KIF1C: variants seen among roughly 807,000 people sequenced by gnomAD.
The protein encoded by KIF1C is kinesin-like protein KIF1C.
Under a neutral mutation model 126.5 loss-of-function variants are expected in KIF1C, and 61 were observed. The ratio of observed to expected loss-of-function variants is 0.48; its 90% CI spans 0.39 to 0.60. The LOEUF (loss-of-function observed/expected upper bound fraction) is 0.60. Among genes scored for constraint, KIF1C ranks in the 20% least tolerant of loss-of-function variants. KIF1C has a pLI of 0.00. For synonymous variants in KIF1C, 640 were observed against 580.6 expected (o/e 1.10, Z -1.47); for missense variants, 1,315 against 1,489.2 (o/e 0.88, Z 1.93).
chr17:5,008,331 G>A (rs887105413), intron 16 of KIF1C, among the ~76,000 whole-genome samples: 10 of 152,182 alleles, frequency 6.6e-5, no homozygotes, highest in East Asian at 1.9e-4. Context: ...CCGCTGTACC[G>A]GTGCATACCA....
chr17:5,020,531 T>G lies in KIF1C; in HGVS notation c.1790T>G (p.Phe597Cys). ...ATGGGCAAGAACCACGTTTTCCGCT[T>G]CAACCACCCGGAGCAGGCAAGGCTG... Reference protein sequence around the residue: ...IVMGKNHVFRFNHPEQARLER... With the variant: ...IVMGKNHVFRCNHPEQARLER... Residue 597 changes from phenylalanine (F) to cysteine (C), a missense_variant, in exon 20 of 23, where the codon TTC (phenylalanine) becomes TGC (cysteine). Physicochemically the swap from Phe to Cys is radical, Grantham distance 205 (BLOSUM62 -2). Coordinates refer to ENST00000320785, the MANE Select transcript of KIF1C (RefSeq NM_006612.6). The surrounding 1 kb of genome is among the most constrained non-coding windows in gnomAD (Gnocchi z 5.8). 6.2e-7 allele frequency: 1 copy of G among 1,614,158 alleles called. No individual in the cohort carries two copies.
chr17:5,021,036 G>A (rs976177165), intron 21 of KIF1C, among the ~76,000 whole-genome samples, 158 bp downstream of exon 21: 10 of 152,118 alleles, frequency 6.6e-5, no homozygotes, highest in Admixed American at 1.3e-4. Flanking sequence ...GTGACTACAG[G>A]AAGAATCCAT....
chr17:5,017,571 TGG>T (rs1179266946), intron 18 of KIF1C, among the ~76,000 whole-genome samples: 1 of 152,158 alleles, frequency 6.6e-6, no homozygotes, highest in Non-Finnish European at 1.5e-5. Flanking sequence ...CCCAAAGTGC[TGG>T]GATTATAGGC....
chr17:5,020,594 C>T lies in KIF1C; in HGVS notation c.1853C>T (p.Pro618Leu), dbSNP rs753593337. The part of the protein sequence containing the change: ...ERGVPPPPGP[P>L]SEPVDWNFAQ... The stretch of plus-strand genomic sequence containing the variant: ...GGGGTCCCCCCACCCCCAGGACCGC[C>T]CTCTGAGCCAGTCGACTGGAACTTT... Residue 618 changes from proline (P) to leucine (L), a missense_variant, in exon 20 of 23, where the codon CCC (proline) becomes CTC (leucine). By Grantham distance (98) the Pro-to-Leu change is moderately conservative. Transcript: ENST00000320785. The surrounding 1 kb of genome is among the most constrained non-coding windows in gnomAD (Gnocchi z 5.8). 3 of 1,614,252 alleles carry T rather than the reference C, an allele frequency of 1.9e-6. No homozygotes were observed. Among genetic ancestry groups the T allele is most frequent in the East Asian group, 2.2e-5 (1 of 44,880 alleles).
At chr17:5,006,216 G>A (rs1218565543) in intron 13 of KIF1C, among the ~76,000 whole-genome samples, 2 of 151,380 alleles carry the variant, frequency 1.3e-5, no homozygotes, top group African/African-American at 2.4e-5. Flanking sequence ...AGAAAAAAAA[G>A]TTCGACACAG....
Position 5,004,896 on chromosome 17 carries a change from T to C in KIF1C, c.1061T>C (p.Ile354Thr), listed in dbSNP as rs771180950. The change falls in exon 13 of 23, where the codon ATC becomes ACC. Residue 354 changes from isoleucine (I) to threonine (T), a missense_variant. Ile to Thr is a moderately conservative substitution (Grantham distance 89). Transcript: ENST00000320785. Reference sequence around the variant, plus strand: ...AAGCAAATCCGCTGCAATGCCATCATCAACGAGGACCCTAATGCCCGGCTG... The same window carrying C: ...AAGCAAATCCGCTGCAATGCCATCACCAACGAGGACCCTAATGCCCGGCTG... Reference protein sequence around the residue: ...RTKQIRCNAIINEDPNARLIR... With the variant: ...RTKQIRCNAITNEDPNARLIR... The C allele has an allele frequency of 6.2e-7, 1 of 1,614,224 alleles. No homozygotes were observed. The highest frequency in any genetic ancestry group is 1.1e-5 in the South Asian group (1 of 91,084).
chr17:5,001,148 C>T lies in KIF1C; in HGVS notation c.184-74C>T, dbSNP rs2143308000. The T allele has an allele frequency of 1.1e-5, 16 of 1,479,314 alleles. No individual in the cohort carries two copies. In the East Asian group the frequency reaches 1.6e-4, roughly 15 times the overall value. 91.6% of individuals were successfully genotyped at this position (1,479,314 alleles called of 1,614,324 possible). A position where few individuals can be genotyped will look rare whatever the true frequency, so the allele number is the denominator to read the frequency against. Reference sequence around the variant, plus strand: ...GGAATCGTCAGTGATGGAAGCAAGACTCTTGGGACAGAGACACAAAGGATA... The same window carrying T: ...GGAATCGTCAGTGATGGAAGCAAGATTCTTGGGACAGAGACACAAAGGATA... On this transcript the variant is annotated intron_variant, in intron 4 of 22. Coordinates refer to ENST00000320785, the MANE Select transcript of KIF1C (RefSeq NM_006612.6).
intron 1 of KIF1C, among the ~76,000 whole-genome samples, chr17:4,998,578 C>T (rs955438457): frequency 3.9e-5 from 6 of 152,240 alleles, no homozygotes; most frequent in Admixed American, 3.3e-4. Flanking sequence ...CCATTAGCTG[C>T]AGCAACGGCG....
Position 5,022,582 on chromosome 17 carries a change from G to A in KIF1C, c.2501G>A (p.Arg834Gln), listed in dbSNP as rs776267022. The A allele has an allele frequency of 6.2e-5, 99 of 1,600,204 alleles. No homozygotes were observed. The highest frequency in any genetic ancestry group is 8.0e-5 in the Non-Finnish European group (94 of 1,173,310). ...CGAGGGGCGGAGGTGGAGGACCTCC[G>A]GGCCCACATCGACAAGCTGACGGGG... Reference protein sequence around the residue: ...GARGAEVEDLRAHIDKLTGIL... With the variant: ...GARGAEVEDLQAHIDKLTGIL... Residue 834 changes from arginine (R) to glutamine (Q), a missense_variant, in exon 22 of 23, where the codon CGG (arginine) becomes CAG (glutamine). By Grantham distance (43) the Arg-to-Gln change is conservative. This residue lies in a region of KIF1C where 441 missense variants were observed against 436.1 expected (regional missense o/e 1.01). Transcript: ENST00000320785. This position sits in a 1 kb window ranked among gnomAD's most constrained non-coding sequence, Gnocchi z 4.9.
At chr17:5,021,422 T>C (rs1311489496) in intron 21 of KIF1C, among the ~76,000 whole-genome samples, 1 of 152,074 alleles carries the variant, frequency 6.6e-6, no homozygotes, top group African/African-American at 2.4e-5. Flanking sequence ...GTGATCCGCC[T>C]GCCTCAGCCT....
Position 5,020,341 on chromosome 17 carries a change from C to A in KIF1C, c.1751-151C>A. On this transcript the variant is annotated intron_variant, in intron 19 of 22. Coordinates refer to ENST00000320785, the MANE Select transcript of KIF1C (RefSeq NM_006612.6). The surrounding 1 kb of genome is among the most constrained non-coding windows in gnomAD (Gnocchi z 5.8). ...ATGGGGTTGGTCCCTGGGTGTCAGC[C>A]AGGGGAGCATAGGCTCCAACTGCCT... is the stretch of plus-strand genomic sequence containing the variant. 1.2e-6 allele frequency: 1 copy of A among 849,650 alleles called. No homozygotes were observed. Among genetic ancestry groups the A allele is most frequent in the African/African-American group, 1.7e-5 (1 of 58,424 alleles). The allele number at this position is 849,650 out of a possible 1,614,324, so 52.6% of individuals were successfully genotyped here. A position where few individuals can be genotyped will look rare whatever the true frequency, so the allele number is the denominator to read the frequency against.
At chr17:5,018,723 G>T (rs1975030285) in intron 18 of KIF1C, among the ~76,000 whole-genome samples, 2 of 151,186 alleles carry the variant, frequency 1.3e-5, no homozygotes, top group South Asian at 4.2e-4. Context: ...AAAGAAAAAA[G>T]AAAAGCCATC....
intron 10 of KIF1C, 25 bp from the exon 11 acceptor site, chr17:5,003,973 C>G: frequency 6.2e-7 from 1 of 1,612,210 alleles, no homozygotes; most frequent in Non-Finnish European, 8.5e-7. Context: ...CCCACCCTAA[C>G]CTCCTTCCTC....
rs148056094 is a variant in KIF1C, at chr17:5,022,739, C to T, written c.2628+30C>T. On this transcript the variant is annotated intron_variant, in intron 22 of 22. Coordinates refer to ENST00000320785, the MANE Select transcript of KIF1C (RefSeq NM_006612.6). The surrounding 1 kb of genome is among the most constrained non-coding windows in gnomAD (Gnocchi z 4.9). Reference sequence around the variant, plus strand: ...GACTGGCCTTCTGCCTCCCTTCTCTCCTCCCTCGGCTCTTCACTTTAGGAG... The same window carrying T: ...GACTGGCCTTCTGCCTCCCTTCTCTTCTCCCTCGGCTCTTCACTTTAGGAG... The T allele has an allele frequency of 7.4e-6, 11 of 1,488,340 alleles. No individual in the cohort carries two copies. The South Asian group carries it at 1.2e-4, about 17-fold the overall frequency. 92.2% of individuals were successfully genotyped at this position (1,488,340 alleles called of 1,614,324 possible). A position where few individuals can be genotyped will look rare whatever the true frequency, so the allele number is the denominator to read the frequency against.
chr17:5,000,932 AC>A, intron 4 of KIF1C, 84 bp downstream of exon 4: 2 of 1,336,726 alleles, frequency 1.5e-6, no homozygotes, highest in Non-Finnish European at 2.1e-6. Context: ...AAGAAATAGG[AC>A]CCCCAGGGGA....
Position 5,002,571 on chromosome 17 carries a change from G to A in KIF1C, c.537G>A (p.Gln179=). The A allele has an allele frequency of 6.2e-7, 1 of 1,614,074 alleles. No homozygotes were observed. Among genetic ancestry groups the A allele is most frequent in the Non-Finnish European group, 8.5e-7 (1 of 1,179,952 alleles). The change falls in exon 7 of 23, where the codon CAG becomes CAA. Residue 179 remains glutamine (Q), a synonymous_variant. Coordinates refer to ENST00000320785, the MANE Select transcript of KIF1C (RefSeq NM_006612.6). The stretch of plus-strand genomic sequence containing the variant: ...ACCCCATCCTGGGCCCGTACGTGCA[G>A]GACCTGTCCAAATTGGCTGTGACCT... The part of the protein sequence containing the change: ...REHPILGPYV[Q]DLSKLAVTSY...
chr17:5,018,441 CGGATCACCTGAGGTCAGGCGGGT>C (rs1167236223), intron 18 of KIF1C, among the ~76,000 whole-genome samples: 28 of 151,862 alleles, frequency 1.8e-4, no homozygotes, highest in Admixed American at 1.4e-3. Flanking sequence ...CCAAGGCGGG[CGGATCACCTGAGGTCAGGCGGGT>C]GGATCACCTG....
At position 5,004,633 on chromosome 17, in the gene KIF1C, T is replaced by G. The variant is rs1567721495; in HGVS notation, c.1007T>G (p.Leu336Arg). The G allele has an allele frequency of 6.2e-7, 1 of 1,614,096 alleles. No homozygotes were observed. Among genetic ancestry groups the G allele is most frequent in the Non-Finnish European group, 8.5e-7 (1 of 1,179,978 alleles). The change falls in exon 12 of 23, where the codon CTC becomes CGC. Residue 336 changes from leucine to arginine, a missense_variant. By Grantham distance (102) the Leu-to-Arg change is moderately radical (BLOSUM62 -2). Around this residue, in one of 2 missense-constraint regions of KIF1C, gnomAD observed 874 missense variants for 1,053.2 expected, o/e 0.83. Transcript: ENST00000320785. ...GCTGACATCAATTACGAGGAGACTC[T>G]CAGCACCCTCAGGTGAGGCTTTTGG... is the stretch of plus-strand genomic sequence containing the variant. ...SPADINYEET[L>R]STLRYADRTK...
intron 16 of KIF1C, among the ~76,000 whole-genome samples, chr17:5,011,352 T>A (rs1405730077): frequency 2.0e-5 from 3 of 152,184 alleles, no homozygotes; most frequent in Non-Finnish European, 4.4e-5. Flanking sequence ...TCAGTGGTGT[T>A]CAAACCTGGT....
Sources: gnomAD v4.1 joint callset for allele counts (sites outside exome capture counted in the v4.1 genomes callset) on GRCh38, gnomAD v4.1.1 for gene constraint, gnomAD v4.1.1 regional missense constraint, Gnocchi (gnomAD v3.1) non-coding constraint, MANE v1.5 for transcripts, NCBI Gene and HGNC (gene_info 2026-07-23, HGNC 2026-07-21) for gene names.